NOX4: variants seen among roughly 807,000 people sequenced by gnomAD.
NOX4 encodes NADPH oxidase 4.
In NOX4, 69 loss-of-function variants were observed where a neutral mutation model predicts 87.6. The ratio of observed to expected loss-of-function variants is 0.79; its 90% CI spans 0.65 to 0.96. The LOEUF (loss-of-function observed/expected upper bound fraction) is 0.96, where lower values mean the gene tolerates loss of function less well. NOX4 is among the 40% of genes least tolerant of loss of function. The pLI, the probability that NOX4 is intolerant of heterozygous loss-of-function variation, is 0.00. For missense variants in NOX4, 680 were observed against 681.5 expected (o/e 1.00, Z 0.02); for synonymous variants, 275 against 238.2 (o/e 1.15, Z -1.42).
At chr11:89,521,714 C>G in the NOX4 span, among the ~76,000 whole-genome samples, 25 of 151,908 alleles carry the variant, frequency 1.6e-4, no homozygotes, top group East Asian at 4.3e-3. Flanking sequence ...TTCTGCAAAG[C>G]GAAAGAAACA....
At chr11:89,492,511 A>G (rs1230424463), upstream of NOX4, among the ~76,000 whole-genome samples, 1 of 152,248 alleles carries the variant, frequency 6.6e-6, no homozygotes, top group African/African-American at 2.4e-5. Flanking sequence ...AATTTAATGA[A>G]CTGATTAATG....
the NOX4 span, among the ~76,000 whole-genome samples, chr11:89,518,998 C>A: frequency 6.6e-6 from 1 of 151,946 alleles, no homozygotes; most frequent in Non-Finnish European, 1.5e-5. Flanking sequence ...CATTACATTG[C>A]ATTTATTCAT....
At chr11:89,402,639 T>A (rs1349625545) in intron 8 of NOX4, 97 bp from the exon 9 acceptor site, 19 of 953,160 alleles carry the variant, frequency 2.0e-5, no homozygotes, top group Non-Finnish European at 2.8e-5. Flanking sequence ...TTGTTTTTGT[T>A]TGCTAACTTT....
intron 13 of NOX4, among the ~76,000 whole-genome samples, chr11:89,346,575 A>C (rs1946224419): frequency 1.9e-5 from 1 of 53,602 alleles, no homozygotes; most frequent in African/African-American, 2.8e-4. Flanking sequence ...GTAACAAAGA[A>C]AGAAAGATGG....
chr11:89,361,692 C>CTT (rs1444634339), intron 12 of NOX4, among the ~76,000 whole-genome samples: 4 of 152,222 alleles, frequency 2.6e-5, no homozygotes, highest in African/African-American at 9.6e-5. Context: ...GGCCACATGT[C>CTT]TTTGTTTGAC....
At chr11:89,528,199 G>A in the NOX4 span, among the ~76,000 whole-genome samples, 2 of 152,132 alleles carry the variant, frequency 1.3e-5, no homozygotes, top group African/African-American at 4.8e-5. Context: ...TGGAACGGGG[G>A]TATTTACCCA....
At chr11:89,543,622 C>T in the NOX4 span, among the ~76,000 whole-genome samples, 17 of 151,786 alleles carry the variant, frequency 1.1e-4, no homozygotes, top group African/African-American at 1.2e-4. Flanking sequence ...AATAGGGAGT[C>T]GAGGACGCTG....
chr11:89,521,357 G>C, the NOX4 span, among the ~76,000 whole-genome samples: 1 of 152,060 alleles, frequency 6.6e-6, no homozygotes, highest in Admixed American at 6.6e-5. Context: ...GACCGGAATA[G>C]AGAACACTAA....
intron 7 of NOX4, among the ~76,000 whole-genome samples, chr11:89,430,755 A>AT (rs1943733387): frequency 6.6e-6 from 1 of 152,148 alleles, no homozygotes; most frequent in Non-Finnish European, 1.5e-5. Context: ...GGAAGAATCA[A>AT]TATCGTGAAA....
In NOX4 at chr11:89,491,229, C is replaced by T. The variant is rs1278923140; in HGVS notation, c.18G>A (p.Arg6=). The change falls in exon 1 of 18, where the codon AGG becomes AGA. Residue 6 remains arginine, a synonymous_variant. Transcript: ENST00000263317. ...TAACCCCTTCGTTGGCGAGCCAGCT[C>T]CTCCAGGACACAGCCATGCCGCCGG... MAVSW[R]SWLANEGVKH... 1.2e-6 allele frequency: 2 copies of T among 1,613,574 alleles called. No individual in the cohort carries two copies. Among genetic ancestry groups the T allele is most frequent in the African/African-American group, 1.3e-5 (1 of 74,936 alleles).
At chr11:89,578,495 T>C in the NOX4 span, among the ~76,000 whole-genome samples, 1 of 152,180 alleles carries the variant, frequency 6.6e-6, no homozygotes, top group African/African-American at 2.4e-5. Context: ...TAGATATAGC[T>C]ACAATTTACC....
At position 89,410,057 on chromosome 11, in the gene NOX4, A is replaced by AAAAAT. The variant is rs144473626; in HGVS notation, c.630-7520_630-7516dup. Among the ~76,000 whole-genome samples the AAAAAT allele has an allele frequency of 1.9e-3, 292 of 150,618 alleles. 2 individuals are homozygous for AAAAAT. The highest frequency in any genetic ancestry group is 0.019 in the East Asian group (97 of 5,050). ...AGCAACACAGAAAGACCATGTCTCA[A>AAAAAT]AAAATAAAATAAAATAAAATAAAAT... On this transcript the variant is annotated intron_variant, in intron 8 of 17. Transcript: ENST00000263317.
At chr11:89,510,247 A>G in the NOX4 span, among the ~76,000 whole-genome samples, 1 of 152,076 alleles carries the variant, frequency 6.6e-6, no homozygotes, top group Non-Finnish European at 1.5e-5. Flanking sequence ...TATTAAGAAG[A>G]TGAAGAAAAT....
At chr11:89,546,965 T>C in the NOX4 span, among the ~76,000 whole-genome samples, 1 of 152,334 alleles carries the variant, frequency 6.6e-6, no homozygotes, top group South Asian at 2.1e-4. Context: ...CTAAGCTCAT[T>C]TGTCATTTTA....
At chr11:89,441,874 A>G (rs1243105098) in intron 5 of NOX4, among the ~76,000 whole-genome samples, 1 of 151,206 alleles carries the variant, frequency 6.6e-6, no homozygotes, top group South Asian at 2.1e-4. Flanking sequence ...AAAGCATAAA[A>G]GAAGAACAAT....
At chr11:89,487,240 T>C (rs1946666638) in intron 2 of NOX4, among the ~76,000 whole-genome samples, 2 of 152,198 alleles carry the variant, frequency 1.3e-5, no homozygotes, top group South Asian at 2.1e-4. Context: ...TATTTCCTTG[T>C]ATGTAAAACA....
At chr11:89,531,631 T>G in the NOX4 span, among the ~76,000 whole-genome samples, 1 of 152,166 alleles carries the variant, frequency 6.6e-6, no homozygotes, top group African/African-American at 2.4e-5. Context: ...GAGTGAGTTC[T>G]CAAGAGATCT....
chr11:89,481,766 A>G (rs983776348), intron 2 of NOX4, among the ~76,000 whole-genome samples: 13 of 152,090 alleles, frequency 8.5e-5, no homozygotes, highest in Non-Finnish European at 1.6e-4. Context: ...GCATTTAACT[A>G]TATGAAATTC....
intron 2 of NOX4, among the ~76,000 whole-genome samples, chr11:89,456,063 A>G (rs1013175255): frequency 6.6e-6 from 1 of 152,152 alleles, no homozygotes; most frequent in Non-Finnish European, 1.5e-5. Flanking sequence ...AAAATAACTA[A>G]AAGAGTGGAA....
Sources: gnomAD v4.1 joint callset for allele counts (sites outside exome capture counted in the v4.1 genomes callset) on GRCh38, gnomAD v4.1.1 for gene constraint, MANE v1.5 for transcripts, NCBI Gene and HGNC (gene_info 2026-07-23, HGNC 2026-07-21) for gene names.